The following SNTA1 variants were observed in gnomAD, a reference collection of about 807,000 sequenced individuals.
SNTA1 encodes the protein syntrophin alpha 1, also known as alpha-1-syntrophin.
In SNTA1, 31 loss-of-function variants were observed where a neutral mutation model predicts 47.1. The observed-to-expected ratio is 0.66, with a 90% CI of 0.49 to 0.89. SNTA1 has a LOEUF of 0.89. Ranked by LOEUF, SNTA1 falls within the 40% of genes least tolerant of loss-of-function variation. The pLI is 0.00. For synonymous variants in SNTA1, 300 were observed against 313.6 expected (o/e 0.96, Z 0.46); for missense variants, 575 against 693.0 (o/e 0.83, Z 1.91).
At chr20:33,420,698 G>A (rs937142367) in intron 2 of SNTA1, among the ~76,000 whole-genome samples, 7 of 152,114 alleles carry the variant, frequency 4.6e-5, no homozygotes, top group African/African-American at 7.2e-5. Context: ...TGCAGTTCCC[G>A]GCCTTGTGCG....
rs1435825887 is a variant in SNTA1, at chr20:33,408,053, G to A, written c.*454C>T. 2 of 236,856 alleles carry A rather than the reference G, an allele frequency of 8.4e-6. No homozygotes were observed. The highest frequency in any genetic ancestry group is 1.7e-5 in the Non-Finnish European group (2 of 117,776). 14.7% of individuals were successfully genotyped at this position (236,856 alleles called of 1,614,324 possible). On this transcript the variant is annotated 3_prime_UTR_variant, in exon 8 of 8. Transcript: ENST00000217381. ...GAAGAGAAAAACCAGACTCCCCACG[G>A]TGGCAGGGCTGAGGGGAAAAACAAA...
chr20:33,426,917 G>C (rs148493941), intron 2 of SNTA1, among the ~76,000 whole-genome samples: 106 of 151,948 alleles, frequency 7.0e-4, no homozygotes, highest in African/African-American at 2.4e-3. Flanking sequence ...CACAAAATTA[G>C]CCAGGTGTGG....
intron 2 of SNTA1, among the ~76,000 whole-genome samples, chr20:33,426,237 G>A (rs1175496778): frequency 1.3e-5 from 2 of 148,596 alleles, no homozygotes. Flanking sequence ...TCACCTGAGG[G>A]CAGGAGTTCA....
rs1446269273 is a variant in SNTA1, at chr20:33,443,468, G to A, written c.153C>T (p.Pro51=). The change falls in exon 1 of 8, where the codon CCC becomes CCT. Residue 51 remains proline, a synonymous_variant. Transcript: ENST00000217381. ...CCTGCTCCCGCGGAGCGCCGGGCTC[G>A]GGACCAGGGTCGCCGTCGGCGGGGC... ...TVSPADGDPG[P]EPGAPREQEP... 7.3e-7 allele frequency: 1 copy of A among 1,371,564 alleles called. No homozygotes were observed. Among genetic ancestry groups the A allele is most frequent in the Non-Finnish European group, 9.4e-7 (1 of 1,058,656 alleles). The allele number at this position is 1,371,564 out of a possible 1,614,324, so 85.0% of individuals were successfully genotyped here. A position where few individuals can be genotyped will look rare whatever the true frequency, so the allele number is the denominator to read the frequency against.
At chr20:33,414,497 G>A (rs939615326) in intron 3 of SNTA1, among the ~76,000 whole-genome samples, 2 of 151,850 alleles carry the variant, frequency 1.3e-5, no homozygotes, top group African/African-American at 2.4e-5. Flanking sequence ...GGGAGGCTGA[G>A]GCACCAGAAT....
At position 33,417,926 on chromosome 20, in the gene SNTA1, G is replaced by C. The variant is rs774195790; in HGVS notation, c.497-3C>G. On this transcript the variant is annotated splice_region_variant and splice_polypyrimidine_tract_variant and intron_variant, in intron 2 of 7. Transcript: ENST00000217381. ...TGAGACGTCCTTCATATACTTGACT[G>C]ATTGGGAGAGACATCAGCAGTCACC... 1 of 1,604,276 alleles carries C rather than the reference G, an allele frequency of 6.2e-7. No individual in the cohort carries two copies. The highest frequency in any genetic ancestry group is 1.7e-5 in the Admixed American group (1 of 59,944).
chr20:33,443,302 C>T lies in SNTA1; in HGVS notation c.310+9G>A. On this transcript the variant is annotated intron_variant, in intron 1 of 7. Transcript: ENST00000217381. Reference sequence around the variant, plus strand: ...CCACGACCCCGCGCCCTCGGTGTCCCGCGCCCACCTTTGATGCTGATGCCC... The same window carrying T: ...CCACGACCCCGCGCCCTCGGTGTCCTGCGCCCACCTTTGATGCTGATGCCC... 1.3e-6 allele frequency: 2 copies of T among 1,507,778 alleles called. No homozygotes were observed. The highest frequency in any genetic ancestry group is 2.4e-4 in the Middle Eastern group (1 of 4,236). 93.4% of individuals were successfully genotyped at this position (1,507,778 alleles called of 1,614,324 possible).
intron 2 of SNTA1, among the ~76,000 whole-genome samples, chr20:33,435,250 C>T (rs1202398096): frequency 6.6e-6 from 1 of 150,900 alleles, no homozygotes; most frequent in East Asian, 2.0e-4. Context: ...CCTCAGCCTC[C>T]CAAAGTGCTG....
At chr20:33,426,837 C>T (rs746348565) in intron 2 of SNTA1, among the ~76,000 whole-genome samples, 15 of 151,582 alleles carry the variant, frequency 9.9e-5, no homozygotes, top group African/African-American at 1.5e-4. Flanking sequence ...CAAGGCAGGA[C>T]GATCGCTTGA....
chr20:33,412,181 G>A, intron 5 of SNTA1, 115 bp downstream of exon 5: 1 of 1,186,186 alleles, frequency 8.4e-7, no homozygotes. Context: ...CTTGCTTCAG[G>A]TCACCTGGGG....
chr20:33,434,953 T>G (rs1464292731), intron 2 of SNTA1, among the ~76,000 whole-genome samples: 1 of 151,390 alleles, frequency 6.6e-6, no homozygotes, highest in Admixed American at 6.6e-5. Flanking sequence ...AGAGATTTAT[T>G]GCAGAGCAGA....
chr20:33,443,648 C>T lies in SNTA1; in HGVS notation c.-28G>A. The T allele has an allele frequency of 8.4e-7, 1 of 1,185,464 alleles. No individual in the cohort carries two copies. Among genetic ancestry groups the T allele is most frequent in the Non-Finnish European group, 1.0e-6 (1 of 958,032 alleles). 73.4% of individuals were successfully genotyped at this position (1,185,464 alleles called of 1,614,324 possible). ...TCGCCTCCGAGCCCCCGGGCCGCCG[C>T]GCTCGCCCTGTCCCGCTTTGCCCAG... On this transcript the variant is annotated 5_prime_UTR_variant, in exon 1 of 8. Coordinates refer to ENST00000217381, the MANE Select transcript of SNTA1 (RefSeq NM_003098.3).
intron 2 of SNTA1, among the ~76,000 whole-genome samples, chr20:33,418,519 A>G (rs957937453): frequency 6.6e-6 from 1 of 152,086 alleles, no homozygotes; most frequent in Non-Finnish European, 1.5e-5. Context: ...CAGGCTGGGC[A>G]TGTTGGCTCA....
At chr20:33,419,197 G>T (rs961056156) in intron 2 of SNTA1, among the ~76,000 whole-genome samples, 1 of 151,996 alleles carries the variant, frequency 6.6e-6, no homozygotes, top group East Asian at 1.9e-4. Flanking sequence ...CTGCTAGCCC[G>T]TGGGCAGCCT....
intron 2 of SNTA1, among the ~76,000 whole-genome samples, chr20:33,435,407 G>A (rs1990418742): frequency 6.7e-6 from 1 of 149,744 alleles, no homozygotes; most frequent in East Asian, 2.1e-4. Flanking sequence ...GACCAGCCTG[G>A]CCAACATGGC....
chr20:33,437,089 C>G (rs1487906242), intron 2 of SNTA1, among the ~76,000 whole-genome samples: 2 of 151,574 alleles, frequency 1.3e-5, no homozygotes, highest in Non-Finnish European at 2.9e-5. Flanking sequence ...ATGGTGAAAC[C>G]TCATCTCTAC....
Position 33,417,733 on chromosome 20 carries a change from A to G in SNTA1, c.687T>C (p.Asn229=). ...MAYVSKRCTP[N]DPEPRYLEIC... is the part of the protein sequence containing the mutation. ...CCCAGCCTTACCTGGGCTCCGGGTC[A>G]TTGGGGGTGCACCTCTTCGAGACAT... Residue 229 remains asparagine (N), a synonymous_variant, in exon 3 of 8, where the codon AAT becomes AAC. Transcript: ENST00000217381. The G allele has an allele frequency of 1.2e-6, 2 of 1,613,878 alleles. No homozygotes were observed. The highest frequency in any genetic ancestry group is 2.2e-5 in the South Asian group (2 of 91,084).
At chr20:33,442,699 T>TG (rs1990607582) in intron 1 of SNTA1, among the ~76,000 whole-genome samples, 2 of 152,118 alleles carry the variant, frequency 1.3e-5, no homozygotes. Context: ...CGGTCAGTCC[T>TG]GGGGGCTGAA....
chr20:33,411,228 C>T (rs1234309612), intron 5 of SNTA1, among the ~76,000 whole-genome samples: 1 of 152,090 alleles, frequency 6.6e-6, no homozygotes, highest in Middle Eastern at 3.2e-3. Context: ...TGCAGACCCT[C>T]GAGTCCCCAG....
Sources: allele counts gnomAD v4.1 joint callset (sites outside exome capture counted in the v4.1 genomes callset), GRCh38; gene constraint gnomAD v4.1.1; transcripts MANE v1.5; gene names NCBI Gene and HGNC (gene_info 2026-07-23, HGNC 2026-07-21).